The following KCNQ1 variants were observed in gnomAD, a reference collection of about 807,000 sequenced individuals.
KCNQ1 encodes the protein potassium voltage-gated channel subfamily Q member 1.
Under a neutral mutation model 72.4 loss-of-function variants are expected in KCNQ1, and 49 were observed. The ratio of observed to expected loss-of-function variants is 0.68; its 90% CI spans 0.54 to 0.86. KCNQ1 has a LOEUF of 0.86. Among genes scored for constraint, KCNQ1 ranks in the 40% least tolerant of loss-of-function variants. The probability of loss-of-function intolerance (pLI) is 0.00; values close to 1 mark genes in which losing one functional copy is unlikely to be tolerated. For missense variants in KCNQ1, 790 were observed against 945.1 expected, an observed-to-expected ratio of 0.84 and a Z score of 2.15; for synonymous variants, 450 against 412.6, an observed-to-expected ratio of 1.09 and a Z score of -1.10.
intron 11 of KCNQ1, among the ~76,000 whole-genome samples, chr11:2,709,924 A>G (rs990803480): frequency 6.6e-6 from 1 of 152,168 alleles, no homozygotes; most frequent in Non-Finnish European, 1.5e-5. Flanking sequence ...TTTAGCTATT[A>G]GTGAATAATA....
chr11:2,675,831 TA>T (rs1850283833), intron 11 of KCNQ1: 7 of 398,594 alleles, frequency 1.8e-5, no homozygotes, highest in Admixed American at 4.4e-5. Flanking sequence ...CACACTGCCC[TA>T]CCGTGCATCC....
At position 2,621,568 on chromosome 11, in the gene KCNQ1, C is replaced by T; in HGVS notation, c.1393+32714C>T. 2.5e-6 allele frequency: 1 copy of T among 398,416 alleles called. No individual in the cohort carries two copies. The highest frequency in any genetic ancestry group is 4.4e-6 in the Non-Finnish European group (1 of 226,008). 24.7% of individuals were successfully genotyped at this position (398,416 alleles called of 1,614,324 possible). On this transcript the variant is annotated intron_variant, in intron 10 of 15. Coordinates refer to ENST00000155840, the MANE Select transcript of KCNQ1 (RefSeq NM_000218.3). The surrounding 1 kb of genome is among the most constrained non-coding windows in gnomAD (Gnocchi z 5.7). ...TTAGTTTACCACTGTGATCTCTTTG[C>T]TATTGGTCTGTTCAGGCTTTCTATT...
intron 10 of KCNQ1, chr11:2,660,334 A>G (rs1008059176): frequency 5.0e-6 from 2 of 398,378 alleles, no homozygotes; most frequent in African/African-American, 4.1e-5. Flanking sequence ...CAAATAGTGA[A>G]ATTAGGAATA....
At position 2,814,623 on chromosome 11, in the gene KCNQ1, CAAGGAAGGAAGG is replaced by C. The variant is rs3079081; in HGVS notation, c.1795-33119_1795-33108del. 1.2e-3 allele frequency among the ~76,000 whole-genome samples: 178 copies of C among 142,536 alleles called. 1 individual carries two copies. The highest frequency in any genetic ancestry group is 3.5e-3 in the Middle Eastern group (1 of 284). The allele number at this position is 142,536 out of a possible 152,430, so 93.5% of individuals were successfully genotyped here. A position where few individuals can be genotyped will look rare whatever the true frequency, so the allele number is the denominator to read the frequency against. Reference sequence around the variant, plus strand: ...GGATGGGTAGATGGATGGAAGGAGACAAGGAAGGAAGGAAGGAAGGAAGGAAGGAAGGAAGGG... The same window carrying C: ...GGATGGGTAGATGGATGGAAGGAGACAAGGAAGGAAGGAAGGAAGGAAGGG... On this transcript the variant is annotated intron_variant, in intron 15 of 15. Coordinates refer to ENST00000155840, the MANE Select transcript of KCNQ1 (RefSeq NM_000218.3).
chr11:2,489,114 G>A (rs988536017), intron 1 of KCNQ1, among the ~76,000 whole-genome samples: 9 of 152,322 alleles, frequency 5.9e-5, no homozygotes, highest in East Asian at 3.9e-4. Context: ...CACAGTATCT[G>A]CTTTTAACTT....
intron 11 of KCNQ1, among the ~76,000 whole-genome samples, chr11:2,726,147 C>G (rs953678403): frequency 1.3e-5 from 2 of 152,226 alleles, no homozygotes; most frequent in African/African-American, 4.8e-5. Context: ...CACCTGCCTG[C>G]TCCAGGCAGA....
At chr11:2,731,326 A>G (rs1845855186) in intron 11 of KCNQ1, among the ~76,000 whole-genome samples, 1 of 152,226 alleles carries the variant, frequency 6.6e-6, no homozygotes, top group African/African-American at 2.4e-5. Context: ...ACAATGCCCA[A>G]ATGCCCTCGT....
At chr11:2,847,577 G>A (rs1021279987) in intron 15 of KCNQ1, among the ~76,000 whole-genome samples, 190 bp from the exon 16 acceptor site, 12 of 152,186 alleles carry the variant, frequency 7.9e-5, no homozygotes, top group African/African-American at 2.7e-4. Flanking sequence ...CACATTCCTT[G>A]CACACACACA....
intron 11 of KCNQ1, among the ~76,000 whole-genome samples, chr11:2,765,486 G>T (rs1846481049): frequency 6.6e-6 from 1 of 152,192 alleles, no homozygotes; most frequent in Admixed American, 6.5e-5. Flanking sequence ...AGGGAGCAGT[G>T]TTCTGTATAT....
intron 10 of KCNQ1, chr11:2,629,963 A>C: frequency 2.5e-6 from 1 of 396,796 alleles, no homozygotes; most frequent in Non-Finnish European, 4.4e-6. Flanking sequence ...ACTGTGTTGA[A>C]TAGAAGTGGT....
intron 11 of KCNQ1, among the ~76,000 whole-genome samples, chr11:2,705,143 G>C (rs1393718433): frequency 6.6e-6 from 1 of 152,222 alleles, no homozygotes; most frequent in African/African-American, 2.4e-5. Flanking sequence ...AGCATGGGCT[G>C]CTCGGGGAAT....
intron 10 of KCNQ1, chr11:2,634,165 T>C: frequency 2.5e-6 from 1 of 396,772 alleles, no homozygotes; most frequent in Non-Finnish European, 4.4e-6. Flanking sequence ...CTCTTTTCTC[T>C]CTCTCTCCCT....
rs765551882 is a variant in KCNQ1 at position 2,752,395 on chromosome 11, CCAGGTGGTCTCT to C, written c.1515-16447_1515-16436del. Among the ~76,000 whole-genome samples, 3 of 151,314 alleles carry C rather than the reference CCAGGTGGTCTCT, an allele frequency of 2.0e-5. No individual in the cohort carries two copies. The highest frequency in any genetic ancestry group is 2.9e-5 in the Non-Finnish European group (2 of 67,854). On this transcript the variant is annotated intron_variant, in intron 11 of 15. Transcript: ENST00000155840. The surrounding 1 kb of genome is among the most constrained non-coding windows in gnomAD (Gnocchi z 5.2). Reference sequence around the variant, plus strand: ...GAGCAGCTTGTTTAGCTGGTGTGTGCCAGGTGGTCTCTCGGGGGGTCCGATGGGATACCTAGT... The same window carrying C: ...GAGCAGCTTGTTTAGCTGGTGTGTGCCGGGGGGTCCGATGGGATACCTAGT...
chr11:2,456,765 C>CAAAAAAA (rs61437708), intron 1 of KCNQ1, among the ~76,000 whole-genome samples: 6 of 31,960 alleles, frequency 1.9e-4, no homozygotes, highest in Non-Finnish European at 2.9e-4. Flanking sequence ...ACTAAAAATC[C>CAAAAAAA]AAAAAAAAAA....
In KCNQ1 at chr11:2,524,752, C is replaced by T. The variant is rs374204402; in HGVS notation, c.387-3176C>T. ...GCTGGACGTCAGGTGACACTTCCCT[C>T]CACAGCCTGGGAAGAAGCACCTGTG... On this transcript the variant is annotated intron_variant, in intron 1 of 15. Transcript: ENST00000155840. Among the ~76,000 whole-genome samples, 368 of 152,340 alleles carry T rather than the reference C, an allele frequency of 2.4e-3. 1 individual carries two copies. Among genetic ancestry groups the T allele is most frequent in the African/African-American group, 8.4e-3 (348 of 41,578 alleles).
In KCNQ1 at chr11:2,654,143, G is replaced by T. The variant is rs970086602; in HGVS notation, c.1394-7818G>T. 2.0e-5 allele frequency: 8 copies of T among 398,446 alleles called. No individual in the cohort carries two copies. Among genetic ancestry groups the T allele is most frequent in the Non-Finnish European group, 4.4e-6 (1 of 225,990 alleles). The allele number at this position is 398,446 out of a possible 1,614,324, so 24.7% of individuals were successfully genotyped here. A position where few individuals can be genotyped will look rare whatever the true frequency, so the allele number is the denominator to read the frequency against. ...GGTGGCGGGGCCACTCTGGCTCAGG[G>T]TCTATGAGCCGGGCATGGGCAGCTG... is the stretch of plus-strand genomic sequence containing the variant. On this transcript the variant is annotated intron_variant, in intron 10 of 15. Coordinates refer to ENST00000155840, the MANE Select transcript of KCNQ1 (RefSeq NM_000218.3). The surrounding 1 kb of genome is among the most constrained non-coding windows in gnomAD (Gnocchi z 6.4).
At chr11:2,585,744 G>A (rs745895949) in intron 8 of KCNQ1, among the ~76,000 whole-genome samples, 2 of 152,222 alleles carry the variant, frequency 1.3e-5, no homozygotes, top group Non-Finnish European at 2.9e-5. Context: ...CAGGGCTCGG[G>A]AGGCCCTGGT....
chr11:2,642,159 G>C lies in KCNQ1; in HGVS notation c.1394-19802G>C. 1 of 398,314 alleles carries C rather than the reference G, an allele frequency of 2.5e-6. No homozygotes were observed. Among genetic ancestry groups the C allele is most frequent in the Non-Finnish European group, 4.4e-6 (1 of 225,892 alleles). The allele number at this position is 398,314 out of a possible 1,614,324, so 24.7% of individuals were successfully genotyped here. On this transcript the variant is annotated intron_variant, in intron 10 of 15. Coordinates refer to ENST00000155840, the MANE Select transcript of KCNQ1 (RefSeq NM_000218.3). This position sits in a 1 kb window ranked among gnomAD's most constrained non-coding sequence, Gnocchi z 4.3. ...ATTTTTTCTATTTCCATGAAAAATG[G>C]CATTGGTATTTTGAGAGAGACTGCA... is the stretch of plus-strand genomic sequence containing the variant.
rs922249725 is a variant in KCNQ1 at position 2,720,230 on chromosome 11, T to C, written c.1515-48614T>C. On this transcript the variant is annotated intron_variant, in intron 11 of 15. Transcript: ENST00000155840. This position sits in a 1 kb window ranked among gnomAD's most constrained non-coding sequence, Gnocchi z 5.1. Reference sequence around the variant, plus strand: ...ATGTGTAAAGAATCGAGAAGCCAAGTGCCCTTGCCATTTGTTATCTTTAAA... The same window carrying C: ...ATGTGTAAAGAATCGAGAAGCCAAGCGCCCTTGCCATTTGTTATCTTTAAA... Among the ~76,000 whole-genome samples, 6 of 152,212 alleles carry C rather than the reference T, an allele frequency of 3.9e-5. No individual in the cohort carries two copies. The highest frequency in any genetic ancestry group is 9.7e-5 in the African/African-American group (4 of 41,450).
Sources: gnomAD v4.1 joint callset for allele counts (sites outside exome capture counted in the v4.1 genomes callset) on GRCh38, gnomAD v4.1.1 for gene constraint, Gnocchi (gnomAD v3.1) non-coding constraint, MANE v1.5 for transcripts, NCBI Gene and HGNC (gene_info 2026-07-23, HGNC 2026-07-21) for gene names.